The following LMAN2L variants were observed in gnomAD, a reference collection of about 807,000 sequenced individuals.
LMAN2L encodes the protein lectin, mannose binding 2 like, also known as VIP36-like protein.
A neutral mutation model predicts 44.3 loss-of-function variants in LMAN2L; 30 were observed. The observed-to-expected ratio is 0.68, with a 90% CI of 0.51 to 0.92. The LOEUF (loss-of-function observed/expected upper bound fraction) is 0.92, where lower values mean the gene tolerates loss of function less well. Ranked by LOEUF, LMAN2L falls within the 40% of genes least tolerant of loss-of-function variation. LMAN2L has a pLI of 0.00. For missense variants in LMAN2L, 429 were observed against 446.1 expected, an observed-to-expected ratio of 0.96 and a Z score of 0.35; for synonymous variants, 183 against 171.1, an observed-to-expected ratio of 1.07 and a Z score of -0.54.
At chr2:96,713,179 G>A (rs566434465) in intron 4 of LMAN2L, 1 of 1,538,728 alleles carries the variant, frequency 6.5e-7, no homozygotes, top group South Asian at 1.2e-5. Flanking sequence ...ACAAGAGAGG[G>A]CACAGAAGAC....
chr2:96,716,926 G>GA (rs1307013736), intron 4 of LMAN2L, among the ~76,000 whole-genome samples: 1 of 152,188 alleles, frequency 6.6e-6, no homozygotes, highest in Non-Finnish European at 1.5e-5. Context: ...CAGATTAAAG[G>GA]AGAGTAACAA....
At position 96,739,835 on chromosome 2, in the gene LMAN2L, C is replaced by A; in HGVS notation, c.187+19G>T. 6.2e-7 allele frequency: 1 copy of A among 1,611,866 alleles called. No individual in the cohort carries two copies. The highest frequency in any genetic ancestry group is 8.5e-7 in the Non-Finnish European group (1 of 1,179,680). On this transcript the variant is annotated intron_variant, in intron 1 of 7. Transcript: ENST00000264963. ...GAAGCCCGCCCCACTGCACGACCAC[C>A]TCACCCTGGGCGCCTCACCCTGGTA... is the stretch of plus-strand genomic sequence containing the variant.
At chr2:96,731,362 G>A (rs1319604365) in intron 4 of LMAN2L, among the ~76,000 whole-genome samples, 2 of 152,150 alleles carry the variant, frequency 1.3e-5, no homozygotes, top group Admixed American at 6.5e-5. Flanking sequence ...CCTTTAAAGT[G>A]AGCTCGCTGG....
intron 4 of LMAN2L, 142 bp downstream of exon 4, chr2:96,733,377 T>G: frequency 1.6e-6 from 1 of 644,614 alleles, no homozygotes; most frequent in African/African-American, 1.8e-5. Context: ...AAAAAAACAC[T>G]GACAAGGACA....
chr2:96,733,274 G>A (rs2078445233), intron 4 of LMAN2L, among the ~76,000 whole-genome samples: 1 of 152,084 alleles, frequency 6.6e-6, no homozygotes, highest in Non-Finnish European at 1.5e-5. Context: ...TATCTAATAG[G>A]CACAAGAGAG....
intron 4 of LMAN2L, among the ~76,000 whole-genome samples, chr2:96,725,718 T>C (rs1210514430): frequency 2.6e-5 from 4 of 151,852 alleles, no homozygotes; most frequent in Non-Finnish European, 5.9e-5. Context: ...GTGCTGGGAT[T>C]ACAGGCGTAA....
At chr2:96,719,542 G>C (rs919410266) in intron 4 of LMAN2L, among the ~76,000 whole-genome samples, 1 of 151,040 alleles carries the variant, frequency 6.6e-6, no homozygotes, top group Non-Finnish European at 1.5e-5. Flanking sequence ...GAGTCCAAGA[G>C]TTCAAGACCA....
At chr2:96,736,519 C>T (rs1176001710) in intron 2 of LMAN2L, among the ~76,000 whole-genome samples, 1 of 152,188 alleles carries the variant, frequency 6.6e-6, no homozygotes, top group Non-Finnish European at 1.5e-5. Flanking sequence ...AGCAAGACAG[C>T]AGCAGAGTAT....
intron 2 of LMAN2L, among the ~76,000 whole-genome samples, chr2:96,736,676 C>T (rs1042324012): frequency 6.6e-6 from 1 of 152,202 alleles, no homozygotes; most frequent in Non-Finnish European, 1.5e-5. Flanking sequence ...CTCACGACAA[C>T]CCCAGTGGGC....
At chr2:96,720,668 C>G (rs1025156475) in intron 4 of LMAN2L, among the ~76,000 whole-genome samples, 3 of 152,028 alleles carry the variant, frequency 2.0e-5, no homozygotes, top group Admixed American at 6.5e-5. Context: ...CAGCCAGGCG[C>G]GGTGACTCAC....
chr2:96,716,866 G>C (rs1008146395), intron 4 of LMAN2L, among the ~76,000 whole-genome samples: 1 of 152,048 alleles, frequency 6.6e-6, no homozygotes, highest in Non-Finnish European at 1.5e-5. Context: ...TTAAAATCAG[G>C]TCTAAACAGT....
chr2:96,732,791 C>CT (rs567344079), intron 4 of LMAN2L, among the ~76,000 whole-genome samples: 4,072 of 141,884 alleles, frequency 0.029, 184 homozygotes, highest in African/African-American at 0.093. Context: ...TTCTTTCTTT[C>CT]TTTTTTTTTT....
intron 4 of LMAN2L, among the ~76,000 whole-genome samples, chr2:96,730,839 T>C (rs1422169795): frequency 6.6e-6 from 1 of 152,188 alleles, no homozygotes; most frequent in Non-Finnish European, 1.5e-5. Context: ...CACACCTGAC[T>C]AATTTTTGTA....
intron 6 of LMAN2L, among the ~76,000 whole-genome samples, chr2:96,708,174 A>G (rs1350377542): frequency 6.6e-6 from 1 of 152,248 alleles, no homozygotes; most frequent in East Asian, 1.9e-4. Context: ...ATCTTTTCCC[A>G]GGCTAGCGAT....
At chr2:96,724,100 A>G (rs1200170889) in intron 4 of LMAN2L, among the ~76,000 whole-genome samples, 1 of 149,298 alleles carries the variant, frequency 6.7e-6, no homozygotes, top group Non-Finnish European at 1.5e-5. Flanking sequence ...CTCTGTCTCA[A>G]AAAAAAAAAA....
At chr2:96,725,328 G>C (rs1435831079) in intron 4 of LMAN2L, among the ~76,000 whole-genome samples, 2 of 152,042 alleles carry the variant, frequency 1.3e-5, no homozygotes, top group East Asian at 3.9e-4. Context: ...TCAAACACCT[G>C]GCCTAAGGTG....
intron 1 of LMAN2L, among the ~76,000 whole-genome samples, chr2:96,739,228 C>T (rs2078582843): frequency 6.6e-6 from 1 of 152,324 alleles, no homozygotes; most frequent in East Asian, 1.9e-4. Context: ...TACTCTTGCA[C>T]TTTGAATTGT....
chr2:96,735,847 A>AG (rs932912245), intron 2 of LMAN2L, among the ~76,000 whole-genome samples: 3 of 151,998 alleles, frequency 2.0e-5, no homozygotes, highest in African/African-American at 7.3e-5. Flanking sequence ...CAAAAAAAAA[A>AG]AAAAAGATTT....
rs1389310678 is a variant in LMAN2L at position 96,737,952 on chromosome 2, C to T, written c.303G>A (p.Arg101=). 6 of 1,606,036 alleles carry T rather than the reference C, an allele frequency of 3.7e-6. No homozygotes were observed. Among genetic ancestry groups the T allele is most frequent in the Non-Finnish European group, 5.1e-6 (6 of 1,172,754 alleles). The change falls in exon 2 of 8, where the codon CGG becomes CGA. Residue 101 remains arginine (R), a synonymous_variant. Transcript: ENST00000264963. The stretch of plus-strand genomic sequence containing the variant: ...CAGGAGGGAGAAAGATTCTTACCAC[C>T]CGGTTCCACAAGGCACCCTGTTTAC... ...MQSKQGALWN[R]VPCFLRDWEL...
Sources: gnomAD v4.1 joint callset for allele counts (sites outside exome capture counted in the v4.1 genomes callset) on GRCh38, gnomAD v4.1.1 for gene constraint, MANE v1.5 for transcripts, NCBI Gene and HGNC (gene_info 2026-07-23, HGNC 2026-07-21) for gene names.